The following DENND2C variants were observed in gnomAD, a reference collection of about 807,000 sequenced individuals.
DENND2C encodes DENN domain containing 2C.
In DENND2C, 72 loss-of-function variants were observed where a neutral mutation model predicts 112.4. The observed-to-expected ratio is 0.64, with a 90% CI of 0.53 to 0.78. DENND2C has a LOEUF of 0.78. Ranked by LOEUF, DENND2C falls within the 30% of genes least tolerant of loss-of-function variation. The pLI is 0.00. For missense variants in DENND2C, 992 were observed against 1,113.8 expected (o/e 0.89, Z 1.56); for synonymous variants, 329 against 381.6 (o/e 0.86, Z 1.61).
chr1:114,654,942 T>C lies in DENND2C; in HGVS notation c.-573-181A>G, dbSNP rs144177633. Among the ~76,000 whole-genome samples the C allele has an allele frequency of 2.6e-5, 4 of 152,278 alleles. No homozygotes were observed. In the East Asian group the frequency reaches 7.7e-4, roughly 29 times the overall value. On this transcript the variant is annotated intron_variant, in intron 1 of 20. Coordinates refer to ENST00000393274, the MANE Select transcript of DENND2C (RefSeq NM_001256404.2). ...TCCAGGAAGCAAAAAGGAAAAACGC[T>C]CTATTTAAGCAGCCTTCCTGGAAGT...
intron 5 of DENND2C, 124 bp downstream of exon 5, chr1:114,623,382 TC>T (rs1195783395): frequency 1.1e-6 from 1 of 928,792 alleles, no homozygotes; most frequent in African/African-American, 1.7e-5. Context: ...ACCAAACGTT[TC>T]CATGCTAAAG....
chr1:114,622,870 A>C, intron 6 of DENND2C, 117 bp downstream of exon 6: 2 of 657,774 alleles, frequency 3.0e-6, no homozygotes, highest in Non-Finnish European at 4.6e-6. Context: ...TACCACCAAC[A>C]TTAAAACTTA....
At chr1:114,643,058 T>C (rs1425352351) in intron 3 of DENND2C, among the ~76,000 whole-genome samples, 2 of 152,220 alleles carry the variant, frequency 1.3e-5, no homozygotes, top group Non-Finnish European at 2.9e-5. Flanking sequence ...CTCAAGACTC[T>C]TAACACTCAT....
chr1:114,599,352 G>T lies in DENND2C; in HGVS notation c.2205C>A (p.Ile735=). The T allele has an allele frequency of 6.2e-7, 1 of 1,614,074 alleles. No individual in the cohort carries two copies. Residue 735 remains isoleucine (I), a synonymous_variant, in exon 16 of 21, where the codon ATC becomes ATA. Coordinates refer to ENST00000393274, the MANE Select transcript of DENND2C (RefSeq NM_001256404.2). ...IPVLPASMID[I]VCSPTPFLIG... ...TAAGGAATGGTGTAGGTGAGCACAC[G>T]ATGTCAATCATAGATGCTGGCAGGA... is the stretch of plus-strand genomic sequence containing the variant.
At chr1:114,663,079 A>G (rs1192678643) in intron 1 of DENND2C, among the ~76,000 whole-genome samples, 2 of 152,224 alleles carry the variant, frequency 1.3e-5, no homozygotes, top group Non-Finnish European at 2.9e-5. Flanking sequence ...TCTTATCATC[A>G]TCTACTTAAT....
intron 1 of DENND2C, among the ~76,000 whole-genome samples, chr1:114,657,313 C>A (rs979427479): frequency 6.6e-6 from 1 of 151,590 alleles, no homozygotes; most frequent in African/African-American, 2.4e-5. Context: ...ATTACTGTAC[C>A]ATCATATTTT....
Position 114,585,511 on chromosome 1 carries a change from G to C in DENND2C, c.*89C>G. 7.0e-7 allele frequency: 1 copy of C among 1,420,900 alleles called. No individual in the cohort carries two copies. The highest frequency in any genetic ancestry group is 9.8e-7 in the Non-Finnish European group (1 of 1,019,392). 88.0% of individuals were successfully genotyped at this position (1,420,900 alleles called of 1,614,324 possible). ...AACCTTTTAAAATTTCAAGAATTTT[G>C]TAGAATACTTCATGGGATCCTGACC... On this transcript the variant is annotated 3_prime_UTR_variant, in exon 21 of 21. Transcript: ENST00000393274.
chr1:114,613,650 AAG>A (rs1349357140), intron 8 of DENND2C, among the ~76,000 whole-genome samples: 1 of 152,080 alleles, frequency 6.6e-6, no homozygotes. Flanking sequence ...AAAGAAAGAA[AAG>A]AGAGAAGAAA....
chr1:114,666,384 G>C (rs1010418150), intron 1 of DENND2C, among the ~76,000 whole-genome samples: 17 of 152,146 alleles, frequency 1.1e-4, no homozygotes. Flanking sequence ...TTAGAATCAA[G>C]TCCAAAGTCC....
At chr1:114,622,936 A>C in intron 6 of DENND2C, 51 bp downstream of exon 6, 177 of 1,405,548 alleles carry the variant, frequency 1.3e-4, no homozygotes, top group Non-Finnish European at 1.6e-4. Flanking sequence ...CTTTTTGTAG[A>C]TACCATGAAT....
At chr1:114,656,033 T>G (rs2101693915) in intron 1 of DENND2C, among the ~76,000 whole-genome samples, 1 of 151,988 alleles carries the variant, frequency 6.6e-6, no homozygotes, top group African/African-American at 2.4e-5. Flanking sequence ...TGTTTCCAGG[T>G]TTTGGTTATT....
intron 2 of DENND2C, among the ~76,000 whole-genome samples, chr1:114,652,235 A>G (rs1442673497): frequency 6.6e-6 from 1 of 152,220 alleles, no homozygotes; most frequent in Non-Finnish European, 1.5e-5. Flanking sequence ...TGTCCAAAAT[A>G]AAAGTGGGGA....
In DENND2C at chr1:114,655,883, A is replaced by AATATATATATATATAT. The variant is rs10525704; in HGVS notation, c.-573-1138_-573-1123dup. ...AAGAACTTTTATATATATATGTATA[A>AATATATATATATATAT]ATATATATATATATATAATATGTAT... On this transcript the variant is annotated intron_variant, in intron 1 of 20. Transcript: ENST00000393274. Among the ~76,000 whole-genome samples the AATATATATATATATAT allele has an allele frequency of 7.6e-3, 955 of 125,854 alleles. 13 individuals are homozygous for AATATATATATATATAT. The highest frequency in any genetic ancestry group is 0.024 in the African/African-American group (894 of 37,094). The allele number at this position is 125,854 out of a possible 152,430, so 82.6% of individuals were successfully genotyped here.
At chr1:114,650,416 G>A (rs1179521791) in intron 2 of DENND2C, among the ~76,000 whole-genome samples, 1 of 151,926 alleles carries the variant, frequency 6.6e-6, no homozygotes, top group South Asian at 2.1e-4. Context: ...TGTAATCCCA[G>A]CACTTTGGGA....
chr1:114,624,757 G>A (rs1265854212), intron 4 of DENND2C, among the ~76,000 whole-genome samples: 2 of 151,646 alleles, frequency 1.3e-5, no homozygotes. Flanking sequence ...ATATAGCTGG[G>A]ACTACAGGTG....
At chr1:114,625,125 A>G in intron 4 of DENND2C, 54 bp downstream of exon 4, 1 of 1,498,322 alleles carries the variant, frequency 6.7e-7, no homozygotes, top group Non-Finnish European at 8.9e-7. Context: ...AAGAAGCTCA[A>G]TAATCCTGTA....
intron 3 of DENND2C, among the ~76,000 whole-genome samples, chr1:114,637,384 A>G (rs72687847): frequency 0.54 from 80,567 of 149,664 alleles, 22,029 homozygotes; most frequent in South Asian, 0.62. Flanking sequence ...AAAAAAAAAA[A>G]AAAAGAAAAG....
chr1:114,612,351 A>AT (rs376474647), intron 8 of DENND2C, among the ~76,000 whole-genome samples: 61,313 of 139,206 alleles, frequency 0.44, 13,726 homozygotes, highest in South Asian at 0.51. Flanking sequence ...GCAGTTATAA[A>AT]TTTTTTTTTT....
intron 11 of DENND2C, among the ~76,000 whole-genome samples, chr1:114,602,508 T>C (rs1357114157): frequency 6.6e-6 from 1 of 152,228 alleles, no homozygotes; most frequent in Non-Finnish European, 1.5e-5. Flanking sequence ...TTGATGTTGG[T>C]TCCTTTTGTT....
Sources: gnomAD v4.1 joint callset for allele counts (sites outside exome capture counted in the v4.1 genomes callset) on GRCh38, gnomAD v4.1.1 for gene constraint, MANE v1.5 for transcripts, NCBI Gene and HGNC (gene_info 2026-07-23, HGNC 2026-07-21) for gene names.